PPIP5K2: variants seen among roughly 807,000 people sequenced by gnomAD.
PPIP5K2 encodes the protein inositol hexakisphosphate and diphosphoinositol-pentakisphosphate kinase 2.
Under a neutral mutation model 154.6 loss-of-function variants are expected in PPIP5K2, and 105 were observed. That is an observed-to-expected ratio of 0.68 (90% CI 0.58 to 0.80). PPIP5K2 has a LOEUF of 0.80. Among genes scored for constraint, PPIP5K2 ranks in the 30% least tolerant of loss-of-function variants. PPIP5K2 has a pLI of 0.00. For synonymous variants in PPIP5K2, 480 were observed against 490.3 expected (o/e 0.98, Z 0.28); for missense variants, 992 against 1,504.6 (o/e 0.66, Z 5.64).
At chr5:103,148,366 T>C in intron 7 of PPIP5K2, 1 of 265,406 alleles carries the variant, frequency 3.8e-6, no homozygotes, top group Non-Finnish European at 7.4e-6. Flanking sequence ...GATAAAGGTC[T>C]AATAACCACC....
At chr5:103,142,398 C>G (rs1382485137) in intron 5 of PPIP5K2, among the ~76,000 whole-genome samples, 1 of 152,214 alleles carries the variant, frequency 6.6e-6, no homozygotes, top group Non-Finnish European at 1.5e-5. Flanking sequence ...CCCGCAGCCC[C>G]AGTTCCCGCT....
At chr5:103,128,092 G>A (rs1790016640) in intron 1 of PPIP5K2, among the ~76,000 whole-genome samples, 1 of 152,092 alleles carries the variant, frequency 6.6e-6, no homozygotes, top group African/African-American at 2.4e-5. Flanking sequence ...GATGGTTAAA[G>A]TGAAGGCTGA....
At chr5:103,148,463 T>C (rs1392874398) in intron 7 of PPIP5K2, among the ~76,000 whole-genome samples, 1 of 152,178 alleles carries the variant, frequency 6.6e-6, no homozygotes, top group African/African-American at 2.4e-5. Context: ...GTCATTTTAG[T>C]TGGTGACAAA....
At chr5:103,175,866 G>A (rs1344078707) in intron 21 of PPIP5K2, among the ~76,000 whole-genome samples, 1 of 152,028 alleles carries the variant, frequency 6.6e-6, no homozygotes, top group African/African-American at 2.4e-5. Context: ...TTAAAAATCA[G>A]TGCTTCCAGG....
intron 17 of PPIP5K2, among the ~76,000 whole-genome samples, chr5:103,160,542 C>G (rs1047778078): frequency 6.6e-6 from 1 of 152,124 alleles, no homozygotes; most frequent in African/African-American, 2.4e-5. Flanking sequence ...CAGAACTTTT[C>G]TGTAAAAGGC....
At chr5:103,194,044 A>G (rs1801674840) in intron 29 of PPIP5K2, among the ~76,000 whole-genome samples, 1 of 152,202 alleles carries the variant, frequency 6.6e-6, no homozygotes, top group African/African-American at 2.4e-5. Flanking sequence ...TTTATTACTT[A>G]TAACTTAATT....
At chr5:103,176,741 T>C in intron 21 of PPIP5K2, 1 of 539,206 alleles carries the variant, frequency 1.9e-6, no homozygotes, top group South Asian at 2.8e-5. Flanking sequence ...CTGTTAACTG[T>C]TGACTATAGA....
Position 103,186,308 on chromosome 5 carries a change from A to G in PPIP5K2, c.3170-12A>G. 2 of 1,613,436 alleles carry G rather than the reference A, an allele frequency of 1.2e-6. No individual in the cohort carries two copies. The highest frequency in any genetic ancestry group is 1.7e-6 in the Non-Finnish European group (2 of 1,179,682). ...CACCCGTTGTGTATGTATTTTCTCTAACTCCCATCAGGGTCTCACTGTGCG... is the reference window on the plus strand; with the variant it reads ...CACCCGTTGTGTATGTATTTTCTCTGACTCCCATCAGGGTCTCACTGTGCG... On this transcript the variant is annotated splice_polypyrimidine_tract_variant and intron_variant, in intron 26 of 30. Transcript: ENST00000358359.
intron 21 of PPIP5K2, chr5:103,174,217 T>A (rs1554220315): frequency 3.0e-6 from 1 of 330,498 alleles, no homozygotes; most frequent in Non-Finnish European, 5.5e-6. Context: ...TATAGACTGG[T>A]GGCAGTAAAG....
chr5:103,170,427 A>G (rs1366872232), intron 19 of PPIP5K2, among the ~76,000 whole-genome samples: 1 of 151,548 alleles, frequency 6.6e-6, no homozygotes, highest in Admixed American at 6.6e-5. Flanking sequence ...CTCTAAAATT[A>G]TTTTTCTCGG....
intron 29 of PPIP5K2, 95 bp downstream of exon 29, chr5:103,191,077 G>A: frequency 8.3e-7 from 1 of 1,207,482 alleles, no homozygotes; most frequent in South Asian, 1.5e-5. Flanking sequence ...AAAGCAGGTA[G>A]TGGTAATGAG....
chr5:103,141,928 A>T (rs963651557), intron 5 of PPIP5K2, among the ~76,000 whole-genome samples: 3 of 151,982 alleles, frequency 2.0e-5, no homozygotes, highest in Non-Finnish European at 4.4e-5. Flanking sequence ...AGACATAAGG[A>T]CTCTCCACCT....
At chr5:103,154,596 A>G in intron 11 of PPIP5K2, 74 bp from the exon 12 acceptor site, 1 of 887,990 alleles carries the variant, frequency 1.1e-6, no homozygotes. Flanking sequence ...ATCATTTATT[A>G]TTTGTTAGTT....
chr5:103,159,364 A>G (rs782113472), intron 17 of PPIP5K2, 36 bp downstream of exon 17: 2 of 1,485,730 alleles, frequency 1.3e-6, no homozygotes, highest in South Asian at 2.6e-5. Flanking sequence ...GTGAAATATT[A>G]CACACACACA....
In PPIP5K2 at chr5:103,190,840, A is replaced by G; in HGVS notation, c.3353-2A>G. The G allele has an allele frequency of 6.4e-7, 1 of 1,572,782 alleles. No individual in the cohort carries two copies. Among genetic ancestry groups the G allele is most frequent in the Non-Finnish European group, 8.6e-7 (1 of 1,166,000 alleles). On this transcript the variant is annotated splice_acceptor_variant, in intron 28 of 30. Transcript: ENST00000358359. LOFTEE classifies it high-confidence loss of function. ...TTTGTTTTTGGTTTTTTTCTCTTCT[A>G]GGCTTTGAATTGTATTCCATGGTGC...
chr5:103,180,467 T>A (rs1799339933), intron 24 of PPIP5K2, among the ~76,000 whole-genome samples: 1 of 152,122 alleles, frequency 6.6e-6, no homozygotes, highest in Non-Finnish European at 1.5e-5. Context: ...TTTTTTTTTG[T>A]CTTGTTACAT....
intron 1 of PPIP5K2, among the ~76,000 whole-genome samples, chr5:103,127,639 G>A (rs868912142): frequency 1.1e-4 from 17 of 152,200 alleles, no homozygotes; most frequent in Middle Eastern, 3.4e-3. Flanking sequence ...TTTAATATAC[G>A]CCAAGCACTT....
At chr5:103,162,350 C>CTTTTTTTTTTTTTTTTT (rs200973581) in intron 17 of PPIP5K2, among the ~76,000 whole-genome samples, 1 of 138,552 alleles carries the variant, frequency 7.2e-6, no homozygotes. Flanking sequence ...GATGTGTTTT[C>CTTTTTTTTTTTTTTTTT]TTTTTTTTTT....
chr5:103,169,459 A>G (rs1015048726), intron 19 of PPIP5K2, among the ~76,000 whole-genome samples: 3 of 151,868 alleles, frequency 2.0e-5, no homozygotes, highest in African/African-American at 4.8e-5. Flanking sequence ...CCTAATATTC[A>G]TAGACAGTAC....
Sources: gnomAD v4.1 joint callset for allele counts (sites outside exome capture counted in the v4.1 genomes callset) on GRCh38, gnomAD v4.1.1 for gene constraint, MANE v1.5 for transcripts, NCBI Gene and HGNC (gene_info 2026-07-23, HGNC 2026-07-21) for gene names.